PRDM11: variants seen among roughly 807,000 people sequenced by gnomAD.
The protein encoded by PRDM11 is PR/SET domain 11.
In PRDM11, 20 loss-of-function variants were observed where a neutral mutation model predicts 97.8. The observed-to-expected ratio is 0.20, with a 90% CI of 0.14 to 0.30. PRDM11 has a LOEUF of 0.30. PRDM11 is among the 10% of genes least tolerant of loss of function. The pLI, the probability that PRDM11 is intolerant of heterozygous loss-of-function variation, is 1.00. For missense variants in PRDM11, 1,139 were observed against 1,555.2 expected (o/e 0.73, Z 4.50); for synonymous variants, 599 against 637.7 (o/e 0.94, Z 0.91).
intron 1 of PRDM11, among the ~76,000 whole-genome samples, chr11:45,129,655 C>T (rs1050191851): frequency 6.6e-6 from 1 of 152,122 alleles, no homozygotes; most frequent in East Asian, 1.9e-4. Flanking sequence ...TTTACATAAA[C>T]ACTTCATGTT....
At chr11:45,097,022 A>C (rs1851895050) in intron 1 of PRDM11, among the ~76,000 whole-genome samples, 1 of 152,240 alleles carries the variant, frequency 6.6e-6, no homozygotes, top group Non-Finnish European at 1.5e-5. Flanking sequence ...CAACCTGGAA[A>C]TGTGGCTGAG....
chr11:45,165,137 G>A lies in PRDM11; in HGVS notation c.-6-16624G>A, dbSNP rs142835434. On this transcript the variant is annotated intron_variant, in intron 1 of 7. Coordinates refer to ENST00000683152, the MANE Select transcript of PRDM11 (RefSeq NM_001384648.1). ...TAGAGCTGGGATTCTCATCCAGGGA[G>A]TCCTGTTCCAGAGCCCATGTTCCCA... Among the ~76,000 whole-genome samples the A allele has an allele frequency of 1.7e-3, 254 of 152,268 alleles. 2 individuals carry two copies. The highest frequency in any genetic ancestry group is 5.7e-3 in the African/African-American group (237 of 41,550).
intron 5 of PRDM11, among the ~76,000 whole-genome samples, chr11:45,207,295 C>G (rs535740570): frequency 5.9e-5 from 9 of 152,178 alleles, no homozygotes; most frequent in Non-Finnish European, 1.0e-4. Flanking sequence ...TGAATGGACT[C>G]TGTTAGTTTC....
At chr11:45,170,047 AAAAT>A (rs1008161341) in intron 1 of PRDM11, among the ~76,000 whole-genome samples, 7 of 152,204 alleles carry the variant, frequency 4.6e-5, no homozygotes, top group Non-Finnish European at 2.9e-5. Flanking sequence ...ACTCTGGAGA[AAAAT>A]AAAGCAAGGG....
chr11:45,111,006 TTCCC>T (rs1852166870), intron 1 of PRDM11, among the ~76,000 whole-genome samples: 1 of 152,010 alleles, frequency 6.6e-6, no homozygotes, highest in East Asian at 1.9e-4. Flanking sequence ...CGTCCAATGG[TTCCC>T]CGAGACTTAC....
At chr11:45,176,254 G>A (rs1157748111) in intron 1 of PRDM11, among the ~76,000 whole-genome samples, 1 of 152,066 alleles carries the variant, frequency 6.6e-6, no homozygotes, top group African/African-American at 2.4e-5. Context: ...GCAGGTACCT[G>A]TAATCCCAGT....
chr11:45,131,893 G>A (rs183701276), intron 1 of PRDM11, among the ~76,000 whole-genome samples: 122 of 152,278 alleles, frequency 8.0e-4, no homozygotes, highest in Non-Finnish European at 1.6e-3. Flanking sequence ...TGTTATCCGG[G>A]ATCTAGATTT....
At chr11:45,117,218 C>T (rs568842202) in intron 1 of PRDM11, among the ~76,000 whole-genome samples, 29 of 108,032 alleles carry the variant, frequency 2.7e-4, no homozygotes, top group African/African-American at 1.1e-3. Flanking sequence ...TGAGATGAGA[C>T]TCCATCTCAA....
At chr11:45,096,960 G>T (rs943175436) in intron 1 of PRDM11, among the ~76,000 whole-genome samples, 4 of 152,198 alleles carry the variant, frequency 2.6e-5, no homozygotes, top group African/African-American at 9.6e-5. Flanking sequence ...CAGTCTCCTT[G>T]CTCCTCTGAG....
At chr11:45,125,027 G>C (rs1852532619) in intron 1 of PRDM11, among the ~76,000 whole-genome samples, 1 of 152,048 alleles carries the variant, frequency 6.6e-6, no homozygotes, top group Non-Finnish European at 1.5e-5. Context: ...GCCTGTTATT[G>C]GTCTATTCAG....
chr11:45,226,410 C>T lies in PRDM11; in HGVS notation c.1785C>T (p.Thr595=), dbSNP rs1007053016. 1.3e-5 allele frequency: 20 copies of T among 1,533,896 alleles called. No homozygotes were observed. The highest frequency in any genetic ancestry group is 3.6e-5 in the South Asian group (3 of 83,976). Residue 595 remains threonine, a synonymous_variant, in exon 8 of 8, where the codon ACC becomes ACT. Coordinates refer to ENST00000683152, the MANE Select transcript of PRDM11 (RefSeq NM_001384648.1). The part of the protein sequence containing the change: ...MCRNMTLLFN[T]AYHLALEGRP... ...GCAACATGACCCTGCTCTTCAACAC[C>T]GCCTACCACCTGGCCTTGGAGGGCA...
chr11:45,223,896 T>C (rs750821022), intron 6 of PRDM11, among the ~76,000 whole-genome samples: 2 of 152,208 alleles, frequency 1.3e-5, no homozygotes, highest in Non-Finnish European at 2.9e-5. Flanking sequence ...AAGTGGGATG[T>C]TGTTTTCTAG....
chr11:45,095,465 G>A (rs1181159112), upstream of PRDM11, among the ~76,000 whole-genome samples: 2 of 152,194 alleles, frequency 1.3e-5, no homozygotes, highest in Admixed American at 6.5e-5. Context: ...GAGTCAGGAC[G>A]TGGGGTTTCA....
In PRDM11 at chr11:45,227,860, A is replaced by G; in HGVS notation, c.3235A>G (p.Lys1079Glu). Residue 1079 changes from lysine (K) to glutamate (E), a missense_variant, in exon 8 of 8, where the codon AAA becomes GAA. Lys to Glu is a moderately conservative substitution (Grantham distance 56). This residue lies in a region of PRDM11 where 710 missense variants were observed against 1,044.9 expected (regional missense o/e 0.68). Coordinates refer to ENST00000683152, the MANE Select transcript of PRDM11 (RefSeq NM_001384648.1). This position sits in a 1 kb window ranked among gnomAD's most constrained non-coding sequence, Gnocchi z 8.0. ...PLLNKIIQVL[K>E]VLPTSTACCE... Reference sequence around the variant, plus strand: ...CTTGAACAAGATCATCCAGGTTCTTAAAGTCCTCCCCACTTCCACCGCTTG... The same window carrying G: ...CTTGAACAAGATCATCCAGGTTCTTGAAGTCCTCCCCACTTCCACCGCTTG... 6.5e-7 allele frequency: 1 copy of G among 1,533,954 alleles called. No individual in the cohort carries two copies.
upstream of PRDM11, among the ~76,000 whole-genome samples, chr11:45,145,430 T>C (rs58855121): frequency 0.02 from 3,080 of 152,288 alleles, 100 homozygotes; most frequent in African/African-American, 0.07. Flanking sequence ...CATCTGACCA[T>C]GAACGCCCAT....
intron 1 of PRDM11, among the ~76,000 whole-genome samples, chr11:45,125,636 G>A (rs1330907726): frequency 2.6e-5 from 4 of 152,268 alleles, no homozygotes; most frequent in Non-Finnish European, 5.9e-5. Context: ...CAGTTTCCAT[G>A]TAGTTGAGCG....
At chr11:45,205,659 A>G (rs11038354) in intron 5 of PRDM11, among the ~76,000 whole-genome samples, 60,983 of 152,024 alleles carry the variant, frequency 0.4, 12,505 homozygotes, top group Non-Finnish European at 0.45. Context: ...CTTGAGGCTG[A>G]TGGTGGGATT....
Position 45,212,555 on chromosome 11 carries a change from G to A in PRDM11, c.555-7015G>A, listed in dbSNP as rs976137700. 4 of 455,948 alleles carry A rather than the reference G, an allele frequency of 8.8e-6. No individual in the cohort carries two copies. In the East Asian group the frequency reaches 2.8e-4, roughly 32 times the overall value. The allele number at this position is 455,948 out of a possible 1,614,324, so 28.2% of individuals were successfully genotyped here. ...GTCTCCGGAGGAAGAGGCCCACCTG[G>A]CCAGGCCCGCCCTGCTCCGTTCATC... On this transcript the variant is annotated intron_variant, in intron 5 of 7. Coordinates refer to ENST00000683152, the MANE Select transcript of PRDM11 (RefSeq NM_001384648.1).
chr11:45,204,869 G>GTCTCCACCAC, intron 5 of PRDM11, 91 bp downstream of exon 5: 1 of 1,368,424 alleles, frequency 7.3e-7, no homozygotes, highest in Non-Finnish European at 1.0e-6. Context: ...AGCTCCAGTG[G>GTCTCCACCAC]TGGAGACTTC....
Sources: allele counts gnomAD v4.1 joint callset (sites outside exome capture counted in the v4.1 genomes callset), GRCh38; gene constraint gnomAD v4.1.1; regional missense constraint gnomAD v4.1.1; non-coding constraint Gnocchi (gnomAD v3.1); transcripts MANE v1.5; gene names NCBI Gene and HGNC (gene_info 2026-07-23, HGNC 2026-07-21).